The following NUP107 variants were observed in gnomAD, a reference collection of about 807,000 sequenced individuals.
The protein encoded by NUP107 is nuclear pore complex protein Nup107.
In NUP107, 101 loss-of-function variants were observed where a neutral mutation model predicts 141.0. The observed-to-expected ratio is 0.72, with a 90% confidence interval of 0.61 to 0.84. NUP107 has a LOEUF of 0.84. NUP107 is among the 40% of genes least tolerant of loss of function. The pLI, the probability that NUP107 is intolerant of heterozygous loss-of-function variation, is 0.00. For missense variants in NUP107, 941 were observed against 1,102.7 expected (o/e 0.85, Z 2.08); for synonymous variants, 319 against 363.9 (o/e 0.88, Z 1.41).
chr12:68,731,408 T>A, intron 21 of NUP107, 148 bp downstream of exon 21: 3 of 817,758 alleles, frequency 3.7e-6, no homozygotes, highest in Non-Finnish European at 5.4e-6. Context: ...GTTTTAGGAC[T>A]AAAGTTACTT....
chr12:68,699,094 G>T (rs772167574), intron 6 of NUP107, among the ~76,000 whole-genome samples: 13 of 152,172 alleles, frequency 8.5e-5, no homozygotes, highest in Non-Finnish European at 1.6e-4. Context: ...AGCTAGGCCA[G>T]GCACAGTGGC....
At chr12:68,733,756 A>G (rs1287976558) in intron 24 of NUP107, 144 bp downstream of exon 24, 1 of 696,776 alleles carries the variant, frequency 1.4e-6, no homozygotes, top group Non-Finnish European at 2.3e-6. Context: ...CCACAAGGGG[A>G]CTGACTTCAT....
chr12:68,703,662 G>A (rs959965194), intron 8 of NUP107, among the ~76,000 whole-genome samples: 1 of 152,010 alleles, frequency 6.6e-6, no homozygotes, highest in African/African-American at 2.4e-5. Flanking sequence ...TATTGACCAG[G>A]CTGGTCTCGA....
At position 68,745,441 on chromosome 12, in the gene NUP107, G is replaced by A. The variant is rs1435971399; in HGVS notation, c.*2979G>A. ...GACTTAAGGAGGAAGGAGAAAGGAA[G>A]AACCTGACTTCTGTGTGAAGGACCT... On this transcript the variant is annotated 3_prime_UTR_variant, in exon 28 of 28. Transcript: ENST00000229179. The A allele has an allele frequency of 3.9e-5, 6 of 152,182 alleles. No individual in the cohort carries two copies. The highest frequency in any genetic ancestry group is 1.4e-4 in the African/African-American group (6 of 41,440). 9.4% of individuals were successfully genotyped at this position (152,182 alleles called of 1,614,324 possible). A position where few individuals can be genotyped will look rare whatever the true frequency, so the allele number is the denominator to read the frequency against.
intron 5 of NUP107, among the ~76,000 whole-genome samples, chr12:68,695,130 C>T (rs777371914): frequency 1.3e-5 from 2 of 152,116 alleles, no homozygotes; most frequent in Admixed American, 6.6e-5. Context: ...CAAGTATTGA[C>T]AACAATGTGG....
In NUP107 at chr12:68,744,106, G is replaced by T. The variant is rs1878423507; in HGVS notation, c.*1644G>T. The T allele has an allele frequency of 6.6e-6, 1 of 152,152 alleles. No homozygotes were observed. The highest frequency in any genetic ancestry group is 2.4e-5 in the African/African-American group (1 of 41,436). The allele number at this position is 152,152 out of a possible 1,614,324, so 9.4% of individuals were successfully genotyped here. On this transcript the variant is annotated 3_prime_UTR_variant, in exon 28 of 28. Coordinates refer to ENST00000229179, the MANE Select transcript of NUP107 (RefSeq NM_020401.4). Reference sequence around the variant, plus strand: ...TATTTCCAAAGACTGTTACCTATTTGTTGAACAACAGTGGGAAAACTACTT... The same window carrying T: ...TATTTCCAAAGACTGTTACCTATTTTTTGAACAACAGTGGGAAAACTACTT...
intron 8 of NUP107, chr12:68,706,435 CGAG>C (rs1876584703): frequency 1.3e-6 from 1 of 797,358 alleles, no homozygotes; most frequent in Admixed American, 1.8e-5. Context: ...AGGCACCGTA[CGAG>C]GAGATCGCCA....
intron 19 of NUP107, 44 bp from the exon 20 acceptor site, chr12:68,727,307 A>G: frequency 9.8e-7 from 1 of 1,020,818 alleles, no homozygotes. Flanking sequence ...TGTTACTTTC[A>G]TATAAGCAGT....
chr12:68,734,264 T>G (rs1467457708), intron 24 of NUP107, among the ~76,000 whole-genome samples: 1 of 152,018 alleles, frequency 6.6e-6, no homozygotes. Flanking sequence ...TGTACTCCAG[T>G]CTGGGTGACA....
chr12:68,693,711 A>G (rs1875922648), intron 5 of NUP107, among the ~76,000 whole-genome samples: 1 of 152,176 alleles, frequency 6.6e-6, no homozygotes. Flanking sequence ...TAGAAGGTTG[A>G]GAACCTCACC....
chr12:68,715,730 T>A lies in NUP107; in HGVS notation c.1073T>A (p.Met358Lys). ...KYLFTLIRAGMTEEAQRLCKR... is the reference protein window; with the variant it reads ...KYLFTLIRAGKTEEAQRLCKR... ...CTCTTTACTCTAATCCGTGCTGGAA[T>A]GACAGAAGAGGTCAGTCATGTATAC... The change falls in exon 12 of 28, where the codon ATG becomes AAG. Residue 358 changes from methionine (M) to lysine (K), a missense_variant. Transcript: ENST00000229179. The A allele has an allele frequency of 6.3e-7, 1 of 1,598,850 alleles. No homozygotes were observed. The highest frequency in any genetic ancestry group is 8.6e-7 in the Non-Finnish European group (1 of 1,166,480).
chr12:68,704,253 G>A (rs144118926), intron 8 of NUP107, among the ~76,000 whole-genome samples: 78 of 152,276 alleles, frequency 5.1e-4, no homozygotes, highest in Admixed American at 1.9e-3. Context: ...TGGCTGGATT[G>A]AGGGTTTGGG....
intron 7 of NUP107, 51 bp from the exon 8 acceptor site, chr12:68,702,685 A>G: frequency 7.6e-7 from 1 of 1,308,438 alleles, no homozygotes; most frequent in Non-Finnish European, 1.1e-6. Context: ...TGGCAAGTTC[A>G]TTATATTCGT....
chr12:68,702,228 A>G (rs974333200), intron 7 of NUP107, among the ~76,000 whole-genome samples: 3 of 152,108 alleles, frequency 2.0e-5, no homozygotes, highest in African/African-American at 7.2e-5. Flanking sequence ...ACCTCAAGTG[A>G]TCCACCCACC....
rs981675634 is a variant in NUP107 at position 68,721,195 on chromosome 12, A to G, written c.1311+18A>G. On this transcript the variant is annotated intron_variant, in intron 15 of 27. Coordinates refer to ENST00000229179, the MANE Select transcript of NUP107 (RefSeq NM_020401.4). ...TTAAGCAGGTATGCAATCTGTTTTA[A>G]TGTTTAAATTTTTTCTGTGGAGTAA... 6.4e-7 allele frequency: 1 copy of G among 1,568,566 alleles called. No individual in the cohort carries two copies. The highest frequency in any genetic ancestry group is 1.7e-5 in the Admixed American group (1 of 58,050).
intron 23 of NUP107, 106 bp from the exon 24 acceptor site, chr12:68,733,346 A>G: frequency 1.9e-6 from 2 of 1,054,438 alleles, no homozygotes; most frequent in Non-Finnish European, 2.7e-6. Flanking sequence ...TGGGCCCTGA[A>G]ATAGTTACAG....
At chr12:68,730,844 C>G (rs888493682) in intron 20 of NUP107, among the ~76,000 whole-genome samples, 1 of 152,110 alleles carries the variant, frequency 6.6e-6, no homozygotes, top group Non-Finnish European at 1.5e-5. Flanking sequence ...GTGGCATGTG[C>G]CTGTAGTCCC....
chr12:68,688,917 CTA>C lies in NUP107; in HGVS notation c.9-41_9-40del, dbSNP rs761585530. 15 of 1,396,530 alleles carry C rather than the reference CTA, an allele frequency of 1.1e-5. No homozygotes were observed. The Admixed American group carries it at 2.5e-4, about 24-fold the overall frequency. 86.5% of individuals were successfully genotyped at this position (1,396,530 alleles called of 1,614,324 possible). ...GTGATGATAAAATTCTTTATAAATG[CTA>C]TATTCTCGTTTCACTTATATAAGCT... On this transcript the variant is annotated intron_variant, in intron 1 of 27. Coordinates refer to ENST00000229179, the MANE Select transcript of NUP107 (RefSeq NM_020401.4).
intron 8 of NUP107, chr12:68,706,778 A>T (rs913294883): frequency 1.3e-6 from 1 of 759,658 alleles, no homozygotes; most frequent in Non-Finnish European, 2.5e-6. Flanking sequence ...GGCCTTGGAC[A>T]TCAAGATCAC....
Sources: allele counts gnomAD v4.1 joint callset (sites outside exome capture counted in the v4.1 genomes callset), GRCh38; gene constraint gnomAD v4.1.1; transcripts MANE v1.5; gene names NCBI Gene and HGNC (gene_info 2026-07-23, HGNC 2026-07-21).